Variants in SCHIP1 observed in about 807,000 individuals in gnomAD.
SCHIP1 encodes the protein schwannomin interacting protein 1.
A neutral mutation model predicts 29.7 loss-of-function variants in SCHIP1; 8 were observed. The observed-to-expected ratio is 0.27, with a 90% confidence interval of 0.16 to 0.49. The LOEUF is 0.49. Among genes scored for constraint, SCHIP1 ranks in the 20% least tolerant of loss-of-function variants. The probability of loss-of-function intolerance (pLI) is 0.99; values close to 1 mark genes in which losing one functional copy is unlikely to be tolerated. For synonymous variants in SCHIP1, 76 were observed against 94.9 expected (o/e 0.80, Z 1.16); for missense variants, 193 against 294.6 (o/e 0.66, Z 2.52).
At chr3:159,439,704 G>A in the SCHIP1 span, among the ~76,000 whole-genome samples, 8 of 152,188 alleles carry the variant, frequency 5.3e-5, no homozygotes, top group Admixed American at 5.2e-4. Flanking sequence ...GCCTATTCAT[G>A]TCCTTTCCCC....
At chr3:159,512,553 G>A in the SCHIP1 span, among the ~76,000 whole-genome samples, 1 of 152,124 alleles carries the variant, frequency 6.6e-6, no homozygotes, top group African/African-American at 2.4e-5. Context: ...GTGGAATTCA[G>A]CACTTCTTAA....
At chr3:159,397,313 T>C in the SCHIP1 span, among the ~76,000 whole-genome samples, 1 of 152,228 alleles carries the variant, frequency 6.6e-6, no homozygotes, top group East Asian at 1.9e-4. Flanking sequence ...AGCCTTCTTC[T>C]CTCAGCTCGT....
chr3:159,751,180 G>A, the SCHIP1 span, among the ~76,000 whole-genome samples: 1 of 152,196 alleles, frequency 6.6e-6, no homozygotes, highest in East Asian at 1.9e-4. Flanking sequence ...TAGTCCAGGG[G>A]TCAGCATACT....
chr3:159,560,050 T>C, the SCHIP1 span, among the ~76,000 whole-genome samples: 1 of 152,212 alleles, frequency 6.6e-6, no homozygotes, highest in African/African-American at 2.4e-5. Context: ...CAATTTCATT[T>C]GTCTCATAAT....
the SCHIP1 span, among the ~76,000 whole-genome samples, chr3:159,451,252 T>A: frequency 6.6e-6 from 1 of 152,250 alleles, no homozygotes; most frequent in Non-Finnish European, 1.5e-5. Flanking sequence ...GGTGGTTATT[T>A]GTTTTTATGT....
chr3:159,490,933 A>G, the SCHIP1 span, among the ~76,000 whole-genome samples: 6 of 152,352 alleles, frequency 3.9e-5, no homozygotes, highest in Admixed American at 3.3e-4. Flanking sequence ...AACTTTACCA[A>G]GTAAGATCCT....
chr3:159,460,080 T>C, the SCHIP1 span, among the ~76,000 whole-genome samples: 14 of 152,304 alleles, frequency 9.2e-5, no homozygotes, highest in South Asian at 2.5e-3. Flanking sequence ...TCATCAACTC[T>C]TACCATCACC....
the SCHIP1 span, among the ~76,000 whole-genome samples, chr3:159,696,419 T>C: frequency 6.6e-6 from 1 of 152,200 alleles, no homozygotes; most frequent in East Asian, 1.9e-4. Context: ...TTGCCATGTG[T>C]CACCCACTGT....
chr3:159,332,288 A>T, the SCHIP1 span, among the ~76,000 whole-genome samples: 2 of 152,168 alleles, frequency 1.3e-5, no homozygotes, highest in African/African-American at 2.4e-5. Context: ...AAGCAGTCCT[A>T]TAAGGTAGGT....
At chr3:159,509,778 G>A in the SCHIP1 span, among the ~76,000 whole-genome samples, 270 of 152,280 alleles carry the variant, frequency 1.8e-3, no homozygotes, top group Non-Finnish European at 2.3e-3. Flanking sequence ...TTTTCTTTAA[G>A]AATGTTGACT....
intron 1 of SCHIP1, among the ~76,000 whole-genome samples, chr3:159,865,537 A>G (rs1309967298): frequency 6.6e-6 from 1 of 152,232 alleles, no homozygotes; most frequent in African/African-American, 2.4e-5. Context: ...ATTATTGTCA[A>G]GGTTTCTCAC....
the SCHIP1 span, among the ~76,000 whole-genome samples, chr3:159,509,257 T>A: frequency 1.3e-5 from 2 of 152,232 alleles, no homozygotes; most frequent in South Asian, 4.1e-4. Context: ...TTTGTTGGTT[T>A]AAAGTCCCTT....
the SCHIP1 span, among the ~76,000 whole-genome samples, chr3:159,379,227 G>GA: frequency 7.0e-6 from 1 of 143,688 alleles, no homozygotes; most frequent in South Asian, 2.2e-4. Flanking sequence ...TTTGGTTTTT[G>GA]TTTTTTTTTT....
the SCHIP1 span, among the ~76,000 whole-genome samples, chr3:159,540,659 T>C: frequency 6.6e-6 from 1 of 152,096 alleles, no homozygotes; most frequent in Admixed American, 6.6e-5. Context: ...ACATGACCCA[T>C]AGAGGGTTAA....
At chr3:159,485,484 CTG>C in the SCHIP1 span, among the ~76,000 whole-genome samples, 1 of 152,136 alleles carries the variant, frequency 6.6e-6, no homozygotes, top group Non-Finnish European at 1.5e-5. Context: ...AACCAATTGG[CTG>C]TGAGATATTG....
the SCHIP1 span, among the ~76,000 whole-genome samples, chr3:159,490,244 T>C: frequency 6.6e-6 from 1 of 152,202 alleles, no homozygotes; most frequent in African/African-American, 2.4e-5. Flanking sequence ...TAACATTTCA[T>C]GTCCTCTCTT....
the SCHIP1 span, among the ~76,000 whole-genome samples, chr3:159,396,890 C>T: frequency 2.7e-5 from 4 of 150,900 alleles, no homozygotes; most frequent in African/African-American, 4.9e-5. Flanking sequence ...TGGGGAAGTT[C>T]TCCTGAATAA....
chr3:159,608,864 C>G, the SCHIP1 span, among the ~76,000 whole-genome samples: 10 of 152,190 alleles, frequency 6.6e-5, no homozygotes, highest in Non-Finnish European at 1.5e-4. Flanking sequence ...AATAAAGTCT[C>G]CTTGTTTCTT....
At chr3:159,545,617 C>A in the SCHIP1 span, among the ~76,000 whole-genome samples, 1 of 147,678 alleles carries the variant, frequency 6.8e-6, no homozygotes, top group Non-Finnish European at 1.5e-5. Context: ...TATACATATA[C>A]ACAATATATA....
Sources: gnomAD v4.1 joint callset for allele counts (sites outside exome capture counted in the v4.1 genomes callset) on GRCh38, gnomAD v4.1.1 for gene constraint, MANE v1.5 for transcripts, NCBI Gene and HGNC (gene_info 2026-07-23, HGNC 2026-07-21) for gene names.